The following DLG5 variants were observed in gnomAD, a reference collection of about 807,000 sequenced individuals.
DLG5 encodes the protein disks large homolog 5.
Under a neutral mutation model 189.8 loss-of-function variants are expected in DLG5, and 48 were observed. The observed-to-expected ratio is 0.25, with a 90% confidence interval of 0.20 to 0.32. The LOEUF (loss-of-function observed/expected upper bound fraction) is 0.32, where lower values mean the gene tolerates loss of function less well. DLG5 is among the 10% of genes least tolerant of loss of function. The pLI, the probability that DLG5 is intolerant of heterozygous loss-of-function variation, is 1.00. For missense variants in DLG5, 2,160 were observed against 2,544.7 expected, an observed-to-expected ratio of 0.85 and a Z score of 3.25; for synonymous variants, 1,016 against 1,054.1, an observed-to-expected ratio of 0.96 and a Z score of 0.70.
At chr10:77,834,469 G>A (rs532275714) in intron 8 of DLG5, among the ~76,000 whole-genome samples, 19 of 152,122 alleles carry the variant, frequency 1.2e-4, no homozygotes, top group Non-Finnish European at 2.5e-4. Flanking sequence ...CTACCCACAG[G>A]CAGAGCTTTC....
intron 29 of DLG5, among the ~76,000 whole-genome samples, chr10:77,795,722 C>T (rs1428699104): frequency 6.6e-6 from 1 of 152,132 alleles, no homozygotes. Flanking sequence ...TTGTTCGGCA[C>T]ATGCATTTGG....
At chr10:77,831,266 G>A (rs920542671) in intron 9 of DLG5, among the ~76,000 whole-genome samples, 2 of 152,078 alleles carry the variant, frequency 1.3e-5, no homozygotes, top group Non-Finnish European at 2.9e-5. Flanking sequence ...TTAGCCGGGC[G>A]TGGTGGCATG....
Position 77,819,324 on chromosome 10 carries a change from G to T in DLG5, c.3668C>A (p.Pro1223His), listed in dbSNP as rs769749903. 6.2e-6 allele frequency: 10 copies of T among 1,613,790 alleles called. No individual in the cohort carries two copies. The South Asian group carries it at 1.1e-4, about 18-fold the overall frequency. The change falls in exon 17 of 32, where the codon CCC becomes CAC. Residue 1223 changes from proline to histidine, a missense_variant. This residue lies in a region of DLG5 where 754 missense variants were observed against 746.5 expected (regional missense o/e 1.01). Transcript: ENST00000372391. Reference protein sequence around the residue: ...ARDAGPQGLHPSVQHQGRLSL... With the variant: ...ARDAGPQGLHHSVQHQGRLSL... ...AGCGTAGGGTGCCTTCACATACCTG[G>T]GATGCAAACCCTGGGGGCCAGCATC...
intron 13 of DLG5, among the ~76,000 whole-genome samples, chr10:77,825,813 T>A (rs1332983125): frequency 6.6e-6 from 1 of 152,134 alleles, no homozygotes; most frequent in East Asian, 1.9e-4. Context: ...CGCCTCGGCC[T>A]CCCAAAGTGC....
chr10:77,838,923 G>A (rs114922735), intron 7 of DLG5, among the ~76,000 whole-genome samples: 3,284 of 152,284 alleles, frequency 0.022, 111 homozygotes, highest in Admixed American at 0.079. Flanking sequence ...TGGGGCAGCC[G>A]CGGGGGCTCT....
rs1048181024 is a variant in DLG5, at chr10:77,853,347, G to A, written c.864+7C>T. ...AGAAATGGCCAGTCTCCAGGGGCTG[G>A]GCCTACCTGCTGCTGCTGGGCACGG... On this transcript the variant is annotated splice_region_variant and intron_variant, in intron 5 of 31. Transcript: ENST00000372391. The A allele has an allele frequency of 1.7e-5, 26 of 1,520,664 alleles. No individual in the cohort carries two copies. The African/African-American group carries it at 3.4e-4, about 20-fold the overall frequency. 94.2% of individuals were successfully genotyped at this position (1,520,664 alleles called of 1,614,324 possible). A position where few individuals can be genotyped will look rare whatever the true frequency, so the allele number is the denominator to read the frequency against.
chr10:77,893,747 G>T (rs1248175967), intron 1 of DLG5, among the ~76,000 whole-genome samples: 2 of 152,248 alleles, frequency 1.3e-5, no homozygotes, highest in East Asian at 3.8e-4. Context: ...ACGGCCTGTG[G>T]ACTAGAAGTC....
chr10:77,811,203 T>A lies in DLG5; in HGVS notation c.4354A>T (p.Thr1452Ser). 6.2e-7 allele frequency: 1 copy of A among 1,612,134 alleles called. No homozygotes were observed. The highest frequency in any genetic ancestry group is 2.2e-5 in the East Asian group (1 of 44,772). ...GTGGTGGTGCCACTGCCCTGGAGAG[T>A]GGAGTGGGTACCGGCAGGGTCCAGG... Reference protein sequence around the residue: ...SHLDPAGTHSTLQGSGTTTPE... With the variant: ...SHLDPAGTHSSLQGSGTTTPE... The change falls in exon 23 of 32, where the codon ACT (threonine) becomes TCT (serine). Residue 1452 changes from threonine to serine, a missense_variant. Thr to Ser is a moderately conservative substitution (Grantham distance 58, BLOSUM62 1). Coordinates refer to ENST00000372391, the MANE Select transcript of DLG5 (RefSeq NM_004747.4).
Position 77,859,993 on chromosome 10 carries a change from C to T in DLG5, c.374-3101G>A, listed in dbSNP as rs118150023. Among the ~76,000 whole-genome samples, 653 of 152,320 alleles carry T rather than the reference C, an allele frequency of 4.3e-3. 7 individuals carry two copies. The highest frequency in any genetic ancestry group is 6.8e-3 in the Middle Eastern group (2 of 294). On this transcript the variant is annotated intron_variant, in intron 2 of 31. Coordinates refer to ENST00000372391, the MANE Select transcript of DLG5 (RefSeq NM_004747.4). ...AGTCATCTGACTGACCATAACCTAC[C>T]TGACTCTCCAACAAGTGGAGCTTCC...
chr10:77,841,389 C>T (rs912811729), intron 7 of DLG5, among the ~76,000 whole-genome samples: 4 of 152,206 alleles, frequency 2.6e-5, no homozygotes, highest in Non-Finnish European at 4.4e-5. Context: ...CCTACTAGCA[C>T]ATCTTCCCAG....
chr10:77,914,122 T>C (rs1210569088), intron 1 of DLG5, among the ~76,000 whole-genome samples: 3 of 136,574 alleles, frequency 2.2e-5, no homozygotes, highest in African/African-American at 5.1e-5. Context: ...CAAGGTCCTT[T>C]TGGAACTGAA....
At chr10:77,879,557 C>T (rs752318844) in intron 1 of DLG5, among the ~76,000 whole-genome samples, 16 of 151,782 alleles carry the variant, frequency 1.1e-4, no homozygotes, top group Admixed American at 2.0e-4. Flanking sequence ...TCCAGGGGAG[C>T]AATGCTGGGG....
Position 77,794,964 on chromosome 10 carries a change from G to T in DLG5, c.5437-6C>A. 1 of 1,612,788 alleles carries T rather than the reference G, an allele frequency of 6.2e-7. No individual in the cohort carries two copies. The highest frequency in any genetic ancestry group is 8.5e-7 in the Non-Finnish European group (1 of 1,179,452). On this transcript the variant is annotated splice_polypyrimidine_tract_variant and splice_region_variant and intron_variant, in intron 29 of 31. Transcript: ENST00000372391. ...TCCAGGAGGCAGTGTCGGTTCTGGGGTGGGGGGTGCAGAGTGAGCCCTGGC... is the reference window on the plus strand; with the variant it reads ...TCCAGGAGGCAGTGTCGGTTCTGGGTTGGGGGGTGCAGAGTGAGCCCTGGC...
At chr10:77,816,952 G>A (rs1842086110) in intron 19 of DLG5, 55 bp downstream of exon 19, 14 of 1,570,916 alleles carry the variant, frequency 8.9e-6, no homozygotes, top group African/African-American at 1.4e-5. Context: ...ACTCCACCAT[G>A]AGGAGTCAGA....
chr10:77,791,440 T>C lies in DLG5; in HGVS notation c.*1000A>G, dbSNP rs1440778999. 1 of 152,308 alleles carries C rather than the reference T, an allele frequency of 6.6e-6. No homozygotes were observed. Among genetic ancestry groups the C allele is most frequent in the African/African-American group, 2.4e-5 (1 of 41,428 alleles). The allele number at this position is 152,308 out of a possible 1,614,324, so 9.4% of individuals were successfully genotyped here. ...GATTAAAAAGACCTCAGTTTTTCTT[T>C]TTAGACTGTTGATAGTGACAATAAC... On this transcript the variant is annotated 3_prime_UTR_variant, in exon 32 of 32. Coordinates refer to ENST00000372391, the MANE Select transcript of DLG5 (RefSeq NM_004747.4).
chr10:77,861,857 T>C (rs575844886), intron 2 of DLG5, among the ~76,000 whole-genome samples: 1 of 152,308 alleles, frequency 6.6e-6, no homozygotes, highest in South Asian at 2.1e-4. Flanking sequence ...GGCTTGAGCA[T>C]ACAGGACACA....
At position 77,796,570 on chromosome 10, in the gene DLG5, C is replaced by T. The variant is rs867547256; in HGVS notation, c.5189G>A (p.Arg1730Gln). The T allele has an allele frequency of 6.2e-6, 10 of 1,613,904 alleles. No individual in the cohort carries two copies. The highest frequency in any genetic ancestry group is 2.2e-5 in the East Asian group (1 of 44,886). Residue 1730 changes from arginine (R) to glutamine (Q), a missense_variant, in exon 28 of 32, where the codon CGG (arginine) becomes CAG (glutamine). By Grantham distance (43) the Arg-to-Gln change is conservative (BLOSUM62 1). Coordinates refer to ENST00000372391, the MANE Select transcript of DLG5 (RefSeq NM_004747.4). This position sits in a 1 kb window ranked among gnomAD's most constrained non-coding sequence, Gnocchi z 5.2. Reference sequence around the variant, plus strand: ...AGCGGTGCAGTCCACCTTCTGGACCCGCTGATAGGCCAGGCTCACCGAATC... The same window carrying T: ...AGCGGTGCAGTCCACCTTCTGGACCTGCTGATAGGCCAGGCTCACCGAATC... ...FEDSVSLAYQ[R>Q]VQKVDCTALR...
At chr10:77,876,575 C>T (rs190916932) in intron 1 of DLG5, among the ~76,000 whole-genome samples, 4 of 150,918 alleles carry the variant, frequency 2.7e-5, no homozygotes, top group African/African-American at 4.8e-5. Flanking sequence ...GGTTTCACCA[C>T]GTTGGCCAGG....
At chr10:77,858,224 C>G (rs370246553) in intron 2 of DLG5, among the ~76,000 whole-genome samples, 3 of 152,022 alleles carry the variant, frequency 2.0e-5, no homozygotes, top group Admixed American at 2.0e-4. Flanking sequence ...CACATAACAA[C>G]GTTTCAGTCA....
Sources: gnomAD v4.1 joint callset for allele counts (sites outside exome capture counted in the v4.1 genomes callset) on GRCh38, gnomAD v4.1.1 for gene constraint, gnomAD v4.1.1 regional missense constraint, Gnocchi (gnomAD v3.1) non-coding constraint, MANE v1.5 for transcripts, NCBI Gene and HGNC (gene_info 2026-07-23, HGNC 2026-07-21) for gene names.